Variants in PRKG1 observed in about 807,000 individuals in gnomAD.
PRKG1 encodes the protein protein kinase cGMP-dependent 1.
Under a neutral mutation model 88.1 loss-of-function variants are expected in PRKG1, and 35 were observed. The ratio of observed to expected loss-of-function variants is 0.40; its 90% CI spans 0.30 to 0.53. The LOEUF (loss-of-function observed/expected upper bound fraction) is 0.53. Ranked by LOEUF, PRKG1 falls within the 20% of genes least tolerant of loss-of-function variation. PRKG1 has a pLI of 0.59. For synonymous variants in PRKG1, 303 were observed against 292.5 expected, an observed-to-expected ratio of 1.04 and a Z score of -0.37; for missense variants, 540 against 839.8, an observed-to-expected ratio of 0.64 and a Z score of 4.41.
intron 5 of PRKG1, among the ~76,000 whole-genome samples, chr10:51,923,278 C>G (rs530938978): frequency 8.6e-5 from 13 of 151,818 alleles, no homozygotes; most frequent in Admixed American, 8.5e-4. Context: ...TTTAATCTCT[C>G]TCTGTCTTTA....
chr10:51,065,532 A>G (rs991119465), intron 1 of PRKG1, among the ~76,000 whole-genome samples: 9 of 152,198 alleles, frequency 5.9e-5, no homozygotes, highest in Admixed American at 4.6e-4. Context: ...TAAGCCTCTG[A>G]TATATTTGAT....
chr10:51,102,079 C>T (rs1321062086), intron 1 of PRKG1, among the ~76,000 whole-genome samples: 1 of 152,146 alleles, frequency 6.6e-6, no homozygotes, highest in Non-Finnish European at 1.5e-5. Context: ...TACTGCATGA[C>T]ATCACTGAAT....
chr10:51,907,428 T>G (rs1441417332), intron 4 of PRKG1, 79 bp from the exon 5 acceptor site: 5 of 1,156,472 alleles, frequency 4.3e-6, no homozygotes, highest in Non-Finnish European at 6.2e-6. Flanking sequence ...GTATTTTAAT[T>G]AGATTCATGG....
chr10:51,096,795 C>T (rs1198037886), intron 1 of PRKG1, among the ~76,000 whole-genome samples: 3 of 152,134 alleles, frequency 2.0e-5, no homozygotes, highest in Non-Finnish European at 2.9e-5. Context: ...CTCATCATTC[C>T]GCTAGCCCAG....
chr10:52,105,960 C>A (rs962345335), intron 7 of PRKG1, among the ~76,000 whole-genome samples: 5 of 126,750 alleles, frequency 3.9e-5, no homozygotes, highest in African/African-American at 1.7e-4. Flanking sequence ...GTCTTTTATC[C>A]CCCCACTCCC....
In PRKG1 at chr10:51,475,515, A is replaced by G. The variant is rs16918420; in HGVS notation, c.592+7679A>G. ...GTTCATCAAATTGTCTATATTGAGG[A>G]ATTTAAAAGAACATTACAGACACTA... On this transcript the variant is annotated intron_variant, in intron 3 of 17. Transcript: ENST00000373980. Among the ~76,000 whole-genome samples the G allele has an allele frequency of 4.4e-3, 674 of 152,146 alleles. 3 individuals carry two copies. Among genetic ancestry groups the G allele is most frequent in the African/African-American group, 0.016 (655 of 41,516 alleles).
chr10:51,354,171 G>A (rs1185822597), intron 2 of PRKG1, among the ~76,000 whole-genome samples: 1 of 145,838 alleles, frequency 6.9e-6, no homozygotes, highest in Non-Finnish European at 1.5e-5. Context: ...CGTGATGGGG[G>A]CAGAGAGGTG....
intron 3 of PRKG1, among the ~76,000 whole-genome samples, chr10:51,692,548 A>ATACC (rs1564608882): frequency 6.6e-6 from 1 of 152,110 alleles, no homozygotes; most frequent in African/African-American, 2.4e-5. Flanking sequence ...CCGCCCAACT[A>ATACC]TACCATTTTC....
chr10:51,506,972 T>TA (rs957997140), intron 3 of PRKG1, among the ~76,000 whole-genome samples: 1 of 151,960 alleles, frequency 6.6e-6, no homozygotes, highest in African/African-American at 2.4e-5. Flanking sequence ...TATGCAGCCA[T>TA]AAAAAAGGAT....
chr10:51,495,897 C>T (rs1052849460), intron 3 of PRKG1, among the ~76,000 whole-genome samples: 2 of 152,210 alleles, frequency 1.3e-5, no homozygotes, highest in East Asian at 1.9e-4. Context: ...GTGCAGAAGC[C>T]GTGTGGCCAA....
chr10:51,621,945 T>A (rs1413740649), intron 3 of PRKG1, among the ~76,000 whole-genome samples: 1 of 152,180 alleles, frequency 6.6e-6, no homozygotes, highest in Non-Finnish European at 1.5e-5. Context: ...GGAACCAAAA[T>A]CAAAGATGAT....
chr10:51,983,003 G>C (rs1348280279), intron 5 of PRKG1, among the ~76,000 whole-genome samples: 1 of 152,148 alleles, frequency 6.6e-6, no homozygotes, highest in Non-Finnish European at 1.5e-5. Context: ...ATGGGGCACT[G>C]GTGGCCTCTT....
At chr10:52,052,576 C>A (rs1846014578) in intron 5 of PRKG1, among the ~76,000 whole-genome samples, 1 of 151,988 alleles carries the variant, frequency 6.6e-6, no homozygotes, top group Non-Finnish European at 1.5e-5. Context: ...GTTTAATGGA[C>A]TCAACATTCC....
At chr10:51,621,415 C>A (rs1000474374) in intron 3 of PRKG1, among the ~76,000 whole-genome samples, 1 of 151,842 alleles carries the variant, frequency 6.6e-6, no homozygotes, top group Non-Finnish European at 1.5e-5. Flanking sequence ...TTATTTAATG[C>A]AATTGCATTA....
intron 5 of PRKG1, among the ~76,000 whole-genome samples, chr10:51,926,058 CTAA>C (rs942671106): frequency 2.0e-5 from 3 of 151,932 alleles, no homozygotes; most frequent in African/African-American, 7.3e-5. Context: ...AAAACATTTC[CTAA>C]TAATAATGAA....
intron 12 of PRKG1, among the ~76,000 whole-genome samples, 188 bp from the exon 13 acceptor site, chr10:52,280,601 C>T (rs1208976156): frequency 2.6e-5 from 4 of 152,014 alleles, no homozygotes; most frequent in Non-Finnish European, 5.9e-5. Flanking sequence ...ACAGAGAATT[C>T]CTTAACTTGA....
intron 3 of PRKG1, among the ~76,000 whole-genome samples, chr10:51,553,142 T>C: frequency 6.6e-6 from 1 of 151,720 alleles, no homozygotes; most frequent in Non-Finnish European, 1.5e-5. Flanking sequence ...TTTTGTTGAC[T>C]CATTCAAAAA....
intron 3 of PRKG1, among the ~76,000 whole-genome samples, chr10:51,793,719 G>A (rs1441644951): frequency 6.6e-6 from 1 of 152,078 alleles, no homozygotes; most frequent in African/African-American, 2.4e-5. Flanking sequence ...GAGAGAGTGG[G>A]ATCATACATT....
chr10:51,798,418 T>C (rs1336105776), intron 3 of PRKG1, among the ~76,000 whole-genome samples: 1 of 152,096 alleles, frequency 6.6e-6, no homozygotes. Flanking sequence ...TTGAACATCA[T>C]TTTTATATCC....
Sources: gnomAD v4.1 joint callset for allele counts (sites outside exome capture counted in the v4.1 genomes callset) on GRCh38, gnomAD v4.1.1 for gene constraint, MANE v1.5 for transcripts, NCBI Gene and HGNC (gene_info 2026-07-23, HGNC 2026-07-21) for gene names.